ANK1: variants seen among roughly 807,000 people sequenced by gnomAD.
ANK1 encodes the protein ankyrin-1.
Under a neutral mutation model 210.4 loss-of-function variants are expected in ANK1, and 51 were observed. The observed-to-expected ratio is 0.24, with a 90% CI of 0.19 to 0.31. The LOEUF (loss-of-function observed/expected upper bound fraction) is 0.31, where lower values mean the gene tolerates loss of function less well. Ranked by LOEUF, ANK1 falls within the 10% of genes least tolerant of loss-of-function variation. The pLI, the probability that ANK1 is intolerant of heterozygous loss-of-function variation, is 1.00. For synonymous variants in ANK1, 967 were observed against 1,025.9 expected (o/e 0.94, Z 1.10); for missense variants, 2,051 against 2,504.4 (o/e 0.82, Z 3.86).
chr8:41,734,191 G>A (rs1832873781), intron 2 of ANK1, 122 bp from the exon 3 acceptor site: 4 of 892,654 alleles, frequency 4.5e-6, no homozygotes, highest in Admixed American at 3.5e-5. Flanking sequence ...AAAAGGAGTG[G>A]AGTGTGTCTA....
At chr8:41,755,761 G>T (rs1403135626) in intron 2 of ANK1, among the ~76,000 whole-genome samples, 2 of 152,180 alleles carry the variant, frequency 1.3e-5, no homozygotes, top group African/African-American at 4.8e-5. Flanking sequence ...CAAAAAATGG[G>T]CTGAGTTTCA....
intron 2 of ANK1, 115 bp downstream of exon 2, chr8:41,757,921 G>T: frequency 1.0e-6 from 1 of 962,434 alleles, no homozygotes. Flanking sequence ...GAGCCCTGGG[G>T]GAGTTTTGAG....
At chr8:41,809,168 G>A (rs887265601) in intron 1 of ANK1, among the ~76,000 whole-genome samples, 1 of 152,240 alleles carries the variant, frequency 6.6e-6, no homozygotes, top group Non-Finnish European at 1.5e-5. Flanking sequence ...CATGCCTTAC[G>A]GGTCTTTTTT....
chr8:41,822,064 AAGAGAGAGAGAGAGAGAGAG>A (rs10605195), intron 1 of ANK1, among the ~76,000 whole-genome samples: 14 of 36,240 alleles, frequency 3.9e-4, no homozygotes, highest in African/African-American at 1.7e-3. Context: ...GAAAGAAAGA[AAGAGAGAGAGAGAGAGAGAG>A]AGAGAGAGAG....
At chr8:41,838,831 C>G (rs1346123507) in intron 1 of ANK1, among the ~76,000 whole-genome samples, 3 of 149,758 alleles carry the variant, frequency 2.0e-5, no homozygotes, top group Non-Finnish European at 4.4e-5. Flanking sequence ...AATCCTAACA[C>G]TTTGGGAGGC....
At chr8:41,668,063 G>C (rs1040605997) in intron 39 of ANK1, among the ~76,000 whole-genome samples, 1 of 152,242 alleles carries the variant, frequency 6.6e-6, no homozygotes, top group Non-Finnish European at 1.5e-5. Flanking sequence ...TGCCCAACAG[G>C]TACAGGCGCC....
intron 1 of ANK1, among the ~76,000 whole-genome samples, chr8:41,821,221 T>C (rs1377296727): frequency 6.6e-6 from 1 of 152,186 alleles, no homozygotes; most frequent in Non-Finnish European, 1.5e-5. Flanking sequence ...ATGAGAGACT[T>C]TGTCAATATA....
intron 2 of ANK1, among the ~76,000 whole-genome samples, chr8:41,739,190 A>T (rs957414723): frequency 4.6e-5 from 7 of 151,812 alleles, no homozygotes; most frequent in Non-Finnish European, 7.4e-5. Context: ...AATTTGAATT[A>T]TTTCTATTGA....
intron 6 of ANK1, 72 bp downstream of exon 6, chr8:41,725,689 T>C: frequency 1.3e-6 from 2 of 1,551,632 alleles, no homozygotes; most frequent in South Asian, 1.2e-5. Context: ...GGGAAGTCGC[T>C]GGGCGTGCGC....
chr8:41,857,586 A>C (rs1438707605), intron 1 of ANK1, among the ~76,000 whole-genome samples: 1 of 152,086 alleles, frequency 6.6e-6, no homozygotes, highest in East Asian at 1.9e-4. Flanking sequence ...TAAAAATACA[A>C]AATTAGCCAG....
At chr8:41,851,176 A>T (rs1321103871) in intron 1 of ANK1, among the ~76,000 whole-genome samples, 1 of 152,202 alleles carries the variant, frequency 6.6e-6, no homozygotes, top group Non-Finnish European at 1.5e-5. Context: ...AATCGACCAA[A>T]TCATGATCAA....
At chr8:41,812,882 G>T (rs150331843) in intron 1 of ANK1, among the ~76,000 whole-genome samples, 47 of 152,258 alleles carry the variant, frequency 3.1e-4, no homozygotes, top group African/African-American at 1.1e-3. Context: ...CTGACAGGAG[G>T]CGGAGCTCAG....
intron 1 of ANK1, among the ~76,000 whole-genome samples, chr8:41,873,419 A>G (rs926830764): frequency 1.4e-4 from 21 of 152,330 alleles, no homozygotes; most frequent in African/African-American, 5.1e-4. Context: ...GGCACATCCC[A>G]TTCACAATCT....
chr8:41,847,466 A>G (rs1810279726), intron 1 of ANK1, among the ~76,000 whole-genome samples: 1 of 152,232 alleles, frequency 6.6e-6, no homozygotes, highest in Non-Finnish European at 1.5e-5. Context: ...AGGAAAACGC[A>G]GGTAAGCATC....
intron 37 of ANK1, among the ~76,000 whole-genome samples, chr8:41,678,160 T>TG (rs1408812601): frequency 1.6e-4 from 24 of 152,146 alleles, no homozygotes; most frequent in African/African-American, 5.5e-4. Context: ...TCTTTTTTTT[T>TG]GCGTTGAGAA....
chr8:41,767,789 T>C (rs1218666614), intron 1 of ANK1, among the ~76,000 whole-genome samples: 1 of 152,126 alleles, frequency 6.6e-6, no homozygotes, highest in East Asian at 1.9e-4. Context: ...CCAAGCTGCA[T>C]GGCCTCCCTC....
Position 41,681,330 on chromosome 8 carries a change from C to A in ANK1, c.4537+3214G>T, listed in dbSNP as rs563752691. Among the ~76,000 whole-genome samples the A allele has an allele frequency of 2.4e-3, 370 of 152,328 alleles. 1 individual carries two copies. The highest frequency in any genetic ancestry group is 0.013 in the South Asian group (63 of 4,826). On this transcript the variant is annotated intron_variant, in intron 37 of 42. Transcript: ENST00000289734. Reference sequence around the variant, plus strand: ...GGGAAGTCTGTTTTATTTTCAGAAACATGCTATTTTATTTTGGATCTATAG... The same window carrying A: ...GGGAAGTCTGTTTTATTTTCAGAAAAATGCTATTTTATTTTGGATCTATAG...
chr8:41,888,820 G>A (rs1274413972), intron 1 of ANK1, among the ~76,000 whole-genome samples: 1 of 152,146 alleles, frequency 6.6e-6, no homozygotes, highest in Non-Finnish European at 1.5e-5. Context: ...TTAACCTCAG[G>A]GCCCGGCGAC....
chr8:41,856,874 C>CTTTT (rs35341809), intron 1 of ANK1, among the ~76,000 whole-genome samples: 31 of 95,274 alleles, frequency 3.3e-4, no homozygotes, highest in African/African-American at 1.2e-3. Flanking sequence ...TAACAGCCCT[C>CTTTT]TTTTTTTTTT....
Sources: allele counts gnomAD v4.1 joint callset (sites outside exome capture counted in the v4.1 genomes callset), GRCh38; gene constraint gnomAD v4.1.1; transcripts MANE v1.5; gene names NCBI Gene and HGNC (gene_info 2026-07-23, HGNC 2026-07-21).